Variants in AIG1 observed in about 807,000 individuals in gnomAD.
AIG1 encodes androgen induced 1.
In AIG1, 23 loss-of-function variants were observed where a neutral mutation model predicts 31.4. That is an observed-to-expected ratio of 0.73 (90% CI 0.53 to 1.04). AIG1 has a LOEUF of 1.04. AIG1 is among the 50% of genes least tolerant of loss of function. The pLI is 0.00. For synonymous variants in AIG1, 100 were observed against 110.5 expected (o/e 0.90, Z 0.60); for missense variants, 274 against 295.0 (o/e 0.93, Z 0.52).
In AIG1 at chr6:143,258,673, G is replaced by C. The variant is rs1039271405; in HGVS notation, c.400-25437G>C. Among the ~76,000 whole-genome samples, 2 of 152,178 alleles carry C rather than the reference G, an allele frequency of 1.3e-5. No individual in the cohort carries two copies. Among genetic ancestry groups the C allele is most frequent in the Non-Finnish European group, 2.9e-5 (2 of 68,036 alleles). ...AGTTGAGGCAAAGAGACATTTTGAAGAGTATAAATGAAAGCTTAACTTGAA... is the reference window on the plus strand; with the variant it reads ...AGTTGAGGCAAAGAGACATTTTGAACAGTATAAATGAAAGCTTAACTTGAA... On this transcript the variant is annotated intron_variant, in intron 3 of 5. Transcript: ENST00000357847. The surrounding 1 kb of genome is among the most constrained non-coding windows in gnomAD (Gnocchi z 4.7).
At position 143,280,365 on chromosome 6, in the gene AIG1, C is replaced by T. The variant is rs1797259788; in HGVS notation, c.400-3745C>T. On this transcript the variant is annotated intron_variant, in intron 3 of 5. Transcript: ENST00000357847. This position sits in a 1 kb window ranked among gnomAD's most constrained non-coding sequence, Gnocchi z 4.1. ...CTACCATTAGACCCAGCAATCCCAT[C>T]ACTGGGTACGTGCCCAGAAGAATAG... 6.6e-6 allele frequency among the ~76,000 whole-genome samples: 1 copy of T among 152,196 alleles called. No homozygotes were observed.
At chr6:143,239,338 A>G (rs1351723846) in intron 3 of AIG1, among the ~76,000 whole-genome samples, 2 of 152,236 alleles carry the variant, frequency 1.3e-5, no homozygotes, top group Non-Finnish European at 2.9e-5. Context: ...TTCTGAGCAG[A>G]TATTAATGGG....
chr6:143,274,193 G>T (rs911303427), intron 3 of AIG1, among the ~76,000 whole-genome samples: 1 of 149,734 alleles, frequency 6.7e-6, no homozygotes, highest in Non-Finnish European at 1.5e-5. Flanking sequence ...TTCCCTCATA[G>T]GAGATCTACC....
At chr6:143,259,747 A>G (rs925662981) in intron 3 of AIG1, among the ~76,000 whole-genome samples, 3 of 152,208 alleles carry the variant, frequency 2.0e-5, no homozygotes, top group Admixed American at 2.0e-4. Flanking sequence ...AGAAACCCAA[A>G]GGGAAGTCAG....
chr6:143,090,326 GAT>G (rs1236806175), intron 1 of AIG1, among the ~76,000 whole-genome samples: 1 of 151,658 alleles, frequency 6.6e-6, no homozygotes, highest in African/African-American at 2.4e-5. Context: ...TCCATCCATA[GAT>G]ATAGTTATAT....
At chr6:143,091,117 C>A (rs1490041218) in intron 1 of AIG1, among the ~76,000 whole-genome samples, 5 of 152,122 alleles carry the variant, frequency 3.3e-5, no homozygotes, top group Non-Finnish European at 7.4e-5. Flanking sequence ...TCAAGTGTGT[C>A]ATGACGTTGC....
intron 2 of AIG1, among the ~76,000 whole-genome samples, chr6:143,137,977 C>A (rs950128119): frequency 5.3e-5 from 8 of 152,206 alleles, no homozygotes; most frequent in African/African-American, 1.9e-4. Flanking sequence ...CAGTGGATTA[C>A]TCATATTTGT....
At chr6:143,111,630 C>G (rs550318046) in intron 1 of AIG1, among the ~76,000 whole-genome samples, 132 of 152,334 alleles carry the variant, frequency 8.7e-4, no homozygotes, top group African/African-American at 3.0e-3. Flanking sequence ...ACTACAAACA[C>G]GTATATCCAA....
chr6:143,133,352 A>G (rs2128516890), intron 1 of AIG1, among the ~76,000 whole-genome samples: 1 of 152,180 alleles, frequency 6.6e-6, no homozygotes, highest in South Asian at 2.1e-4. Flanking sequence ...GTTGTAGACA[A>G]TAAGGCCTCT....
At chr6:143,189,246 A>T in intron 3 of AIG1, 1 of 437,134 alleles carries the variant, frequency 2.3e-6, no homozygotes, top group Non-Finnish European at 3.0e-6. Context: ...CAATGGGCTC[A>T]CTATGTTTCC....
intron 1 of AIG1, among the ~76,000 whole-genome samples, chr6:143,083,088 G>A (rs1461072951): frequency 2.6e-5 from 4 of 152,220 alleles, no homozygotes; most frequent in South Asian, 2.1e-4. Context: ...GGCTGGATAC[G>A]TTCCTCACTG....
At chr6:143,060,843 C>A, upstream of AIG1, 1 of 940,762 alleles carries the variant, frequency 1.1e-6, no homozygotes, top group Non-Finnish European at 1.3e-6. Context: ...GCCCGGGTTC[C>A]CACGGCGCCC....
intron 3 of AIG1, chr6:143,189,819 A>G (rs909263784): frequency 1.0e-6 from 1 of 977,842 alleles, no homozygotes; most frequent in Non-Finnish European, 1.2e-6. Context: ...TAAAAAAGAG[A>G]TATATCTTAG....
chr6:143,238,608 T>C (rs1282756416), intron 3 of AIG1, among the ~76,000 whole-genome samples: 3 of 152,156 alleles, frequency 2.0e-5, no homozygotes, highest in African/African-American at 7.2e-5. Flanking sequence ...TTATGTTTCA[T>C]TTGAAAGGAA....
intron 3 of AIG1, among the ~76,000 whole-genome samples, chr6:143,204,604 C>T (rs2128609609): frequency 6.6e-6 from 1 of 152,156 alleles, no homozygotes; most frequent in Middle Eastern, 3.4e-3. Context: ...CTAAGGCCAG[C>T]TCAGATTCAA....
intron 3 of AIG1, among the ~76,000 whole-genome samples, chr6:143,174,520 C>G (rs1787952612): frequency 1.3e-5 from 2 of 151,472 alleles, no homozygotes; most frequent in Non-Finnish European, 1.5e-5. Context: ...AAAAGCTACT[C>G]CTGCTCACTT....
chr6:143,156,363 G>T (rs1225318731), intron 2 of AIG1, among the ~76,000 whole-genome samples: 1 of 152,074 alleles, frequency 6.6e-6, no homozygotes, highest in Admixed American at 6.5e-5. Context: ...TAAGTCAGAA[G>T]AATTGCAGAA....
chr6:143,104,005 G>A (rs1780577381), intron 1 of AIG1, among the ~76,000 whole-genome samples: 1 of 152,162 alleles, frequency 6.6e-6, no homozygotes, highest in Non-Finnish European at 1.5e-5. Context: ...TGCTGCTGGT[G>A]GTGACAATAG....
intron 4 of AIG1, among the ~76,000 whole-genome samples, chr6:143,308,258 G>T (rs1285327335): frequency 6.6e-6 from 1 of 152,208 alleles, no homozygotes; most frequent in East Asian, 1.9e-4. Flanking sequence ...GATGAACCTG[G>T]TACCTCAGAT....
Sources: gnomAD v4.1 joint callset for allele counts (sites outside exome capture counted in the v4.1 genomes callset) on GRCh38, gnomAD v4.1.1 for gene constraint, Gnocchi (gnomAD v3.1) non-coding constraint, MANE v1.5 for transcripts, NCBI Gene and HGNC (gene_info 2026-07-23, HGNC 2026-07-21) for gene names.